Variants in ALG6 observed in about 807,000 individuals in gnomAD.
The protein encoded by ALG6 is ALG6 alpha-1,3-glucosyltransferase, also known as dolichyl pyrophosphate Man9GlcNAc2 alpha-1,3-glucosyltransferase.
In ALG6, 46 loss-of-function variants were observed where a neutral mutation model predicts 66.6. The ratio of observed to expected loss-of-function variants is 0.69; its 90% confidence interval spans 0.55 to 0.88. The LOEUF (loss-of-function observed/expected upper bound fraction) is 0.88. Ranked by LOEUF, ALG6 falls within the 40% of genes least tolerant of loss-of-function variation. The pLI, the probability that ALG6 is intolerant of heterozygous loss-of-function variation, is 0.00. For synonymous variants in ALG6, 185 were observed against 203.7 expected (o/e 0.91, Z 0.78); for missense variants, 505 against 586.8 (o/e 0.86, Z 1.44).
chr1:63,408,590 G>A (rs1392358671), intron 7 of ALG6, among the ~76,000 whole-genome samples: 1 of 152,094 alleles, frequency 6.6e-6, no homozygotes, highest in African/African-American at 2.4e-5. Flanking sequence ...ATCCCAAGTT[G>A]TTTTTAGCAG....
At chr1:63,422,437 AT>A (rs1644591690) in intron 12 of ALG6, among the ~76,000 whole-genome samples, 1 of 37,172 alleles carries the variant, frequency 2.7e-5, no homozygotes, top group African/African-American at 1.9e-4. Flanking sequence ...ATATAAATAT[AT>A]ATATAAATAT....
chr1:63,404,598 A>G (rs1198875762), intron 5 of ALG6, 57 bp downstream of exon 5: 5 of 1,400,810 alleles, frequency 3.6e-6, no homozygotes, highest in Non-Finnish European at 4.0e-6. Context: ...TTTTGGACAA[A>G]CTGGTAAAGG....
At chr1:63,414,016 T>C (rs1644529420) in intron 9 of ALG6, 45 bp from the exon 10 acceptor site, 1 of 1,444,796 alleles carries the variant, frequency 6.9e-7, no homozygotes, top group Admixed American at 1.7e-5. Context: ...TTTTAATATT[T>C]CTTTCAATTA....
chr1:63,417,138 A>G (rs367791927), intron 11 of ALG6, among the ~76,000 whole-genome samples: 6 of 152,174 alleles, frequency 3.9e-5, no homozygotes, highest in African/African-American at 1.4e-4. Flanking sequence ...TCTGTTGTTA[A>G]TATTCTATTG....
At chr1:63,418,184 G>C (rs1173724947) in intron 11 of ALG6, among the ~76,000 whole-genome samples, 2 of 150,966 alleles carry the variant, frequency 1.3e-5, no homozygotes, top group Non-Finnish European at 3.0e-5. Flanking sequence ...ATGGAATGAG[G>C]TTAGGGGACA....
chr1:63,422,950 C>T (rs369308084), intron 12 of ALG6, among the ~76,000 whole-genome samples: 180 of 151,418 alleles, frequency 1.2e-3, no homozygotes, highest in East Asian at 4.8e-3. Flanking sequence ...AGCAAAACTC[C>T]GTCTCAAAAA....
chr1:63,435,912 C>T (rs1189903370), intron 14 of ALG6, among the ~76,000 whole-genome samples: 1 of 152,054 alleles, frequency 6.6e-6, no homozygotes, highest in African/African-American at 2.4e-5. Context: ...CTGATGACCA[C>T]ACAACTACAA....
intron 2 of ALG6, among the ~76,000 whole-genome samples, chr1:63,371,729 C>T (rs978013012): frequency 1.1e-4 from 16 of 152,074 alleles, no homozygotes; most frequent in African/African-American, 3.6e-4. Context: ...CTCAACCTTC[C>T]GAGTAGCTGG....
At chr1:63,431,443 G>A (rs1005553959) in intron 14 of ALG6, among the ~76,000 whole-genome samples, 2 of 152,044 alleles carry the variant, frequency 1.3e-5, no homozygotes, top group African/African-American at 4.8e-5. Context: ...TTGAGACAAG[G>A]TCTCACTTTG....
rs1450453413 is a variant in ALG6, at chr1:63,396,534, T to C, written c.104T>C (p.Phe35Ser). The C allele has an allele frequency of 6.2e-7, 1 of 1,614,016 alleles. No individual in the cohort carries two copies. The highest frequency in any genetic ancestry group is 1.7e-5 in the Admixed American group (1 of 60,000). ...SYSGAGKPPM[F>S]GDYEAQRHWQ... ...TTAGGTGCTGGTAAACCGCCTATGT[T>C]TGGTGATTATGAAGCTCAGAGACAC... The change falls in exon 3 of 15, where the codon TTT becomes TCT. Residue 35 changes from phenylalanine to serine, a missense_variant. By Grantham distance (155) the Phe-to-Ser change is radical (BLOSUM62 -2). Coordinates refer to ENST00000263440, the MANE Select transcript of ALG6 (RefSeq NM_013339.4).
intron 3 of ALG6, among the ~76,000 whole-genome samples, chr1:63,401,126 A>G (rs943789422): frequency 6.6e-6 from 1 of 152,132 alleles, no homozygotes; most frequent in African/African-American, 2.4e-5. Context: ...TGGAGGGACA[A>G]TGGCCACCAG....
rs1165046824 is a variant in ALG6 at position 63,385,184 on chromosome 1, C to CTTTTT, written c.83-11300_83-11296dup. 3.2e-3 allele frequency among the ~76,000 whole-genome samples: 190 copies of CTTTTT among 58,826 alleles called. 10 individuals carry two copies. The highest frequency in any genetic ancestry group is 4.6e-3 in the Non-Finnish European group (141 of 30,768). 38.6% of individuals were successfully genotyped at this position (58,826 alleles called of 152,430 possible). A position where few individuals can be genotyped will look rare whatever the true frequency, so the allele number is the denominator to read the frequency against. ...TTTTTATTAAGATCTTTTACTTCTTCTTTTTTTTTTTTTTTTTTTTTTTTT... is the reference window on the plus strand; with the variant it reads ...TTTTTATTAAGATCTTTTACTTCTTCTTTTTTTTTTTTTTTTTTTTTTTTTTTTTT... On this transcript the variant is annotated intron_variant, in intron 2 of 14. Coordinates refer to ENST00000263440, the MANE Select transcript of ALG6 (RefSeq NM_013339.4).
intron 12 of ALG6, among the ~76,000 whole-genome samples, chr1:63,427,622 G>C (rs2100439118): frequency 6.6e-6 from 1 of 151,830 alleles, no homozygotes; most frequent in South Asian, 2.1e-4. Flanking sequence ...TTAATCATTT[G>C]CTCAAGGTCA....
At chr1:63,422,220 TATATAA>T (rs1232846153) in intron 12 of ALG6, among the ~76,000 whole-genome samples, 16 of 55,854 alleles carry the variant, frequency 2.9e-4, no homozygotes, top group African/African-American at 1.2e-3. Context: ...AATATATATT[TATATAA>T]ATATAAATAT....
intron 12 of ALG6, chr1:63,428,223 A>G (rs1299930319): frequency 6.6e-6 from 1 of 152,126 alleles, no homozygotes; most frequent in African/African-American, 2.4e-5. Context: ...CCTCCTTTTA[A>G]TTTTATTATT....
At chr1:63,436,703 A>G in intron 14 of ALG6, 120 bp from the exon 15 acceptor site, 2 of 972,364 alleles carry the variant, frequency 2.1e-6, no homozygotes, top group Non-Finnish European at 3.2e-6. Flanking sequence ...ATACACCAGA[A>G]TAAATTAGAC....
chr1:63,400,308 T>C (rs1427367600), intron 3 of ALG6, among the ~76,000 whole-genome samples: 103 of 10,248 alleles, frequency 0.01, 28 homozygotes, highest in African/African-American at 0.088. Context: ...TATATATATG[T>C]ATATATATAT....
chr1:63,417,969 C>G (rs565351183), intron 11 of ALG6, among the ~76,000 whole-genome samples: 1 of 152,068 alleles, frequency 6.6e-6, no homozygotes, highest in Non-Finnish European at 1.5e-5. Flanking sequence ...AACCCTGTCT[C>G]TACTAAAAAT....
intron 12 of ALG6, among the ~76,000 whole-genome samples, chr1:63,426,742 C>T (rs183158346): frequency 1.4e-4 from 22 of 152,070 alleles, no homozygotes; most frequent in Admixed American, 1.4e-3. Context: ...TGGTGTCTTG[C>T]TATATTCTCT....
Sources: gnomAD v4.1 joint callset for allele counts (sites outside exome capture counted in the v4.1 genomes callset) on GRCh38, gnomAD v4.1.1 for gene constraint, MANE v1.5 for transcripts, NCBI Gene and HGNC (gene_info 2026-07-23, HGNC 2026-07-21) for gene names.